RABGAP1L: variants seen among roughly 807,000 people sequenced by gnomAD.
RABGAP1L encodes rab GTPase-activating protein 1-like.
In RABGAP1L, 63 loss-of-function variants were observed where a neutral mutation model predicts 137.7. The observed-to-expected ratio is 0.46, with a 90% CI of 0.37 to 0.56. The LOEUF is 0.56. Ranked by LOEUF, RABGAP1L falls within the 20% of genes least tolerant of loss-of-function variation. The pLI is 0.00. For missense variants in RABGAP1L, 1,095 were observed against 1,244.0 expected, an observed-to-expected ratio of 0.88 and a Z score of 1.80; for synonymous variants, 431 against 433.7, an observed-to-expected ratio of 0.99 and a Z score of 0.08.
chr1:174,665,988 T>C (rs573347858), intron 14 of RABGAP1L, among the ~76,000 whole-genome samples: 1 of 152,234 alleles, frequency 6.6e-6, no homozygotes, highest in Non-Finnish European at 1.5e-5. Flanking sequence ...TCTTTAAATG[T>C]TTCTGTAATT....
At chr1:174,209,701 G>A (rs1235818019) in intron 1 of RABGAP1L, among the ~76,000 whole-genome samples, 1 of 152,206 alleles carries the variant, frequency 6.6e-6, no homozygotes, top group Non-Finnish European at 1.5e-5. Flanking sequence ...ACACAAACCT[G>A]GCTGGCTTTG....
intron 13 of RABGAP1L, among the ~76,000 whole-genome samples, chr1:174,577,317 ATATT>A (rs1572382092): frequency 6.6e-6 from 1 of 151,108 alleles, no homozygotes; most frequent in Non-Finnish European, 1.5e-5. Flanking sequence ...CAATATAAAT[ATATT>A]TATATATATA....
At chr1:174,213,399 T>C (rs563649543) in intron 1 of RABGAP1L, among the ~76,000 whole-genome samples, 1 of 152,308 alleles carries the variant, frequency 6.6e-6, no homozygotes, top group South Asian at 2.1e-4. Context: ...CACTCCAGCC[T>C]GAGCGACAGA....
chr1:174,603,910 G>A (rs545593021), intron 13 of RABGAP1L, among the ~76,000 whole-genome samples: 1 of 151,868 alleles, frequency 6.6e-6, no homozygotes, highest in Non-Finnish European at 1.5e-5. Flanking sequence ...TGGCTAAGCT[G>A]GTGTGCTAAT....
chr1:174,317,009 G>A (rs1225828029), intron 11 of RABGAP1L, among the ~76,000 whole-genome samples: 1 of 151,932 alleles, frequency 6.6e-6, no homozygotes, highest in Non-Finnish European at 1.5e-5. Flanking sequence ...TGTGATGAAT[G>A]CTTCCTGGCC....
chr1:174,198,466 A>G (rs1421006050), intron 1 of RABGAP1L, among the ~76,000 whole-genome samples: 1 of 152,234 alleles, frequency 6.6e-6, no homozygotes, highest in African/African-American at 2.4e-5. Flanking sequence ...AATTCAAGGA[A>G]TTGACTTAAT....
At chr1:174,584,743 CTT>C (rs1668990347) in intron 13 of RABGAP1L, among the ~76,000 whole-genome samples, 1 of 152,124 alleles carries the variant, frequency 6.6e-6, no homozygotes, top group Admixed American at 6.6e-5. Flanking sequence ...GGCCAATAAA[CTT>C]AACACTCTTG....
Position 174,989,345 on chromosome 1 carries a change from CTTCAT to C in RABGAP1L, c.3004-496_3004-492del, listed in dbSNP as rs1047241132. 5.9e-5 allele frequency among the ~76,000 whole-genome samples: 9 copies of C among 152,182 alleles called. No homozygotes were observed. In the East Asian group the frequency reaches 7.7e-4, roughly 13 times the overall value. ...TAGTCCTGGCTTCTGATGGACTCTTCTTCATTTCATTTTCCCAGTGATCCCTACCA... is the reference window on the plus strand; with the variant it reads ...TAGTCCTGGCTTCTGATGGACTCTTCTTCATTTTCCCAGTGATCCCTACCA... On this transcript the variant is annotated intron_variant, in intron 25 of 25. Transcript: ENST00000681986.
intron 18 of RABGAP1L, among the ~76,000 whole-genome samples, chr1:174,796,230 C>T (rs1688232838): frequency 6.6e-6 from 1 of 152,116 alleles, no homozygotes; most frequent in Admixed American, 6.5e-5. Context: ...ACTCAGTAGG[C>T]TGAGGTAGGA....
intron 1 of RABGAP1L, among the ~76,000 whole-genome samples, chr1:174,196,130 T>A (rs1271909516): frequency 6.6e-6 from 1 of 151,998 alleles, no homozygotes; most frequent in African/African-American, 2.4e-5. Context: ...TAGTTCTTTT[T>A]ATTTTCTTCT....
intron 1 of RABGAP1L, among the ~76,000 whole-genome samples, chr1:174,188,097 A>C (rs1666942576): frequency 6.6e-6 from 1 of 152,196 alleles, no homozygotes; most frequent in Admixed American, 6.5e-5. Context: ...CTTTATATAA[A>C]GACTATGGGC....
chr1:174,182,572 A>T (rs1022314380), intron 1 of RABGAP1L, among the ~76,000 whole-genome samples: 2 of 152,224 alleles, frequency 1.3e-5, no homozygotes, highest in East Asian at 3.8e-4. Flanking sequence ...CCCATAAATC[A>T]CAAATTATAG....
At chr1:174,256,122 A>G (rs189883551) in intron 7 of RABGAP1L, among the ~76,000 whole-genome samples, 1 of 152,266 alleles carries the variant, frequency 6.6e-6, no homozygotes, top group Admixed American at 6.5e-5. Context: ...TAGATATTGC[A>G]TTTAGTTACC....
intron 19 of RABGAP1L, among the ~76,000 whole-genome samples, chr1:174,842,946 C>T (rs556566326): frequency 2.4e-4 from 36 of 152,262 alleles, no homozygotes; most frequent in Non-Finnish European, 4.3e-4. Context: ...CTGCCTGCCT[C>T]TCTGAAGGCC....
chr1:174,913,480 C>T (rs543668814), intron 19 of RABGAP1L, among the ~76,000 whole-genome samples: 2 of 152,004 alleles, frequency 1.3e-5, no homozygotes, highest in Non-Finnish European at 2.9e-5. Context: ...TGAAGAAAAA[C>T]GTAACTTTTT....
At position 174,805,390 on chromosome 1, in the gene RABGAP1L, A is replaced by C. The variant is rs904267936; in HGVS notation, c.2212-6442A>C. 2.0e-5 allele frequency among the ~76,000 whole-genome samples: 3 copies of C among 152,246 alleles called. No homozygotes were observed. The East Asian group carries it at 5.8e-4, about 29-fold the overall frequency. ...GAAGTAATGTCACCTTTGAAATGTAATTGGTAAACATGGTTCATATTATTT... is the reference window on the plus strand; with the variant it reads ...GAAGTAATGTCACCTTTGAAATGTACTTGGTAAACATGGTTCATATTATTT... On this transcript the variant is annotated intron_variant, in intron 18 of 25. Transcript: ENST00000681986.
At chr1:174,823,149 TAAG>T (rs1691217163) in intron 19 of RABGAP1L, among the ~76,000 whole-genome samples, 1 of 152,208 alleles carries the variant, frequency 6.6e-6, no homozygotes, top group Admixed American at 6.5e-5. Context: ...TCAAAAACTT[TAAG>T]TTTTCTTTTT....
intron 13 of RABGAP1L, among the ~76,000 whole-genome samples, chr1:174,572,411 G>A (rs1668050119): frequency 6.6e-6 from 1 of 151,872 alleles, no homozygotes. Context: ...TTTTGACGGA[G>A]TCTTGCTCAG....
chr1:174,799,804 C>T, intron 18 of RABGAP1L: 1 of 994,808 alleles, frequency 1.0e-6, no homozygotes, highest in South Asian at 4.3e-5. Flanking sequence ...AACAGCGCTG[C>T]TTGTCACGAA....
Sources: allele counts gnomAD v4.1 joint callset (sites outside exome capture counted in the v4.1 genomes callset), GRCh38; gene constraint gnomAD v4.1.1; transcripts MANE v1.5; gene names NCBI Gene and HGNC (gene_info 2026-07-23, HGNC 2026-07-21).